The following CYP7B1 variants were observed in gnomAD, a reference collection of about 807,000 sequenced individuals.
CYP7B1 encodes cytochrome P450 7B1.
In CYP7B1, 29 loss-of-function variants were observed where a neutral mutation model predicts 42.7. That is an observed-to-expected ratio of 0.68 (90% CI 0.51 to 0.93). The LOEUF is 0.93. Ranked by LOEUF, CYP7B1 falls within the 40% of genes least tolerant of loss-of-function variation. The pLI, the probability that CYP7B1 is intolerant of heterozygous loss-of-function variation, is 0.00. For synonymous variants in CYP7B1, 235 were observed against 218.2 expected, an observed-to-expected ratio of 1.08 and a Z score of -0.68; for missense variants, 655 against 600.5, an observed-to-expected ratio of 1.09 and a Z score of -0.95.
intron 1 of CYP7B1, among the ~76,000 whole-genome samples, chr8:64,773,889 A>T (rs926839836): frequency 3.9e-5 from 6 of 152,370 alleles, no homozygotes; most frequent in African/African-American, 1.4e-4. Context: ...AGTGACATTT[A>T]TCCATTCACG....
At chr8:64,687,735 C>T (rs1806677592) in intron 1 of CYP7B1, among the ~76,000 whole-genome samples, 1 of 152,162 alleles carries the variant, frequency 6.6e-6, no homozygotes, top group Non-Finnish European at 1.5e-5. Context: ...TTAAAAATCA[C>T]TCCTTGGATA....
At chr8:64,607,396 A>G (rs1419478618) in intron 4 of CYP7B1, among the ~76,000 whole-genome samples, 1 of 75,194 alleles carries the variant, frequency 1.3e-5, no homozygotes, top group African/African-American at 4.3e-5. Context: ...TCGCTCTAGA[A>G]TTAAAAAAAA....
intron 1 of CYP7B1, among the ~76,000 whole-genome samples, chr8:64,676,480 T>C (rs1806448148): frequency 1.3e-5 from 2 of 152,100 alleles, no homozygotes; most frequent in South Asian, 2.1e-4. Context: ...GCAAAACCTC[T>C]GAAGAACCCC....
intron 4 of CYP7B1, among the ~76,000 whole-genome samples, chr8:64,609,068 A>G (rs1177153484): frequency 6.6e-6 from 1 of 152,226 alleles, no homozygotes; most frequent in Non-Finnish European, 1.5e-5. Context: ...GGACAATGCA[A>G]TCTAGGAAGT....
At chr8:64,678,710 G>A (rs35504644) in intron 1 of CYP7B1, among the ~76,000 whole-genome samples, 2 of 152,106 alleles carry the variant, frequency 1.3e-5, no homozygotes, top group Admixed American at 1.3e-4. Flanking sequence ...AGAGGAAAAC[G>A]CTGCTTTGAG....
intron 1 of CYP7B1, among the ~76,000 whole-genome samples, chr8:64,680,577 C>A (rs549510656): frequency 6.1e-5 from 9 of 148,418 alleles, no homozygotes; most frequent in East Asian, 1.9e-4. Flanking sequence ...CAAAAAAAAA[C>A]CACTGCATGG....
At chr8:64,639,909 C>T (rs1162480897) in intron 1 of CYP7B1, among the ~76,000 whole-genome samples, 1 of 151,512 alleles carries the variant, frequency 6.6e-6, no homozygotes, top group East Asian at 1.9e-4. Flanking sequence ...TGTATCTACA[C>T]AATGGAATAA....
Position 64,596,733 on chromosome 8 carries a change from T to C in CYP7B1, c.1430A>G (p.Asp477Gly), listed in dbSNP as rs745805058. Residue 477 changes from aspartate to glycine, a missense_variant, in exon 6 of 6, where the codon GAT (aspartate) becomes GGT (glycine). By Grantham distance (94) the Asp-to-Gly change is moderately conservative. Transcript: ENST00000310193. The part of the protein sequence containing the change: ...LTYFDLEIID[D>G]KPIGLNYSRL... The stretch of plus-strand genomic sequence containing the variant: ...GCTGTAGTTTAGTCCTATGGGCTTA[T>C]CATCAATTATTTCTAAATCAAAATA... The C allele has an allele frequency of 3.0e-5, 48 of 1,613,760 alleles. No homozygotes were observed. Among genetic ancestry groups the C allele is most frequent in the Non-Finnish European group, 3.4e-5 (40 of 1,179,824 alleles).
In CYP7B1 at chr8:64,625,230, C is replaced by T. The variant is rs932823703; in HGVS notation, c.123-691G>A. On this transcript the variant is annotated intron_variant, in intron 1 of 5. Transcript: ENST00000310193. ...CCTCTTGATCTGCCCAACTCGGCCT[C>T]CCGAAGTGCTGGCATTACAGGCGTG... 2.6e-5 allele frequency among the ~76,000 whole-genome samples: 4 copies of T among 152,210 alleles called. No individual in the cohort carries two copies. In the South Asian group the frequency reaches 8.3e-4, roughly 32 times the overall value.
At chr8:64,646,385 T>C (rs553527407) in intron 1 of CYP7B1, among the ~76,000 whole-genome samples, 4 of 152,106 alleles carry the variant, frequency 2.6e-5, no homozygotes, top group South Asian at 4.2e-4. Context: ...AAAAAGTGGG[T>C]GAAGGACATG....
chr8:64,670,322 A>T (rs914569467), intron 1 of CYP7B1, among the ~76,000 whole-genome samples: 41 of 152,306 alleles, frequency 2.7e-4, no homozygotes, highest in African/African-American at 9.1e-4. Context: ...ATACTATATA[A>T]AGGTAAAATT....
intron 1 of CYP7B1, among the ~76,000 whole-genome samples, chr8:64,754,647 G>C (rs1284088831): frequency 6.6e-6 from 1 of 152,118 alleles, no homozygotes; most frequent in Non-Finnish European, 1.5e-5. Flanking sequence ...GCTAGGCCAT[G>C]GGAAGAAGGC....
chr8:64,709,020 G>C (rs1198093405), intron 1 of CYP7B1, among the ~76,000 whole-genome samples: 1 of 152,178 alleles, frequency 6.6e-6, no homozygotes, highest in Admixed American at 6.5e-5. Flanking sequence ...GTGGGCAACA[G>C]TGATCTGACA....
chr8:64,742,352 G>C (rs545031637), intron 1 of CYP7B1, among the ~76,000 whole-genome samples: 5 of 152,058 alleles, frequency 3.3e-5, no homozygotes, highest in Admixed American at 1.3e-4. Context: ...TTATATTTGC[G>C]GAGTAGTTTT....
chr8:64,599,932 C>G (rs988859021), intron 5 of CYP7B1, among the ~76,000 whole-genome samples: 4 of 152,196 alleles, frequency 2.6e-5, no homozygotes, highest in Non-Finnish European at 4.4e-5. Flanking sequence ...GCCAAGAAAT[C>G]CCAGGAGTTT....
chr8:64,610,747 A>G (rs1225654566), intron 4 of CYP7B1, among the ~76,000 whole-genome samples: 1 of 152,042 alleles, frequency 6.6e-6, no homozygotes, highest in Non-Finnish European at 1.5e-5. Flanking sequence ...AGTAATATAT[A>G]TCTTATAAAA....
intron 1 of CYP7B1, among the ~76,000 whole-genome samples, chr8:64,723,419 T>G (rs1807275459): frequency 6.6e-6 from 1 of 152,222 alleles, no homozygotes; most frequent in Admixed American, 6.5e-5. Flanking sequence ...AGTAAAATTT[T>G]TAGAACTTTT....
chr8:64,733,892 C>T (rs1807449369), intron 1 of CYP7B1, among the ~76,000 whole-genome samples: 1 of 151,940 alleles, frequency 6.6e-6, no homozygotes, highest in African/African-American at 2.4e-5. Context: ...ATTGCTTGAG[C>T]CCAGGAGTTT....
chr8:64,645,032 TA>T (rs1805928117), intron 1 of CYP7B1, among the ~76,000 whole-genome samples: 1 of 151,698 alleles, frequency 6.6e-6, no homozygotes, highest in Non-Finnish European at 1.5e-5. Context: ...GTCCTTGCAA[TA>T]GTTTACTGAG....
Sources: gnomAD v4.1 joint callset for allele counts (sites outside exome capture counted in the v4.1 genomes callset) on GRCh38, gnomAD v4.1.1 for gene constraint, MANE v1.5 for transcripts, NCBI Gene and HGNC (gene_info 2026-07-23, HGNC 2026-07-21) for gene names.